The following OR6N1 variants were observed in gnomAD, a reference collection of about 807,000 sequenced individuals.
The protein encoded by OR6N1 is olfactory receptor 6N1.
For missense variants in OR6N1, 394 were observed against 371.7 expected (o/e 1.06, Z -0.49); for synonymous variants, 170 against 150.7 (o/e 1.13, Z -0.94).
upstream of OR6N1, chr1:158,776,933 T>G: frequency 1.2e-6 from 2 of 1,614,094 alleles, no homozygotes; most frequent in Non-Finnish European, 1.7e-6. Flanking sequence ...AAGGCCTTCT[T>G]TCTTCCTGAT....
At chr1:158,794,941 G>A in the OR6N1 span, among the ~76,000 whole-genome samples, 10,228 of 152,184 alleles carry the variant, frequency 0.067, 661 homozygotes, top group Admixed American at 0.14. Context: ...AGCAATTGGT[G>A]GGTGTCCCAA....
rs1274335534 is a variant in OR6N1 at position 158,765,923 on chromosome 1, T to C, written c.760A>G (p.Ser254Gly). 2 of 1,614,012 alleles carry C rather than the reference T, an allele frequency of 1.2e-6. No homozygotes were observed. Among genetic ancestry groups the C allele is most frequent in the Admixed American group, 1.7e-5 (1 of 60,000 alleles). Reference sequence around the variant, plus strand: ...AGCTGCACATACATGGAAAGGATGCTCCCATAGAAGATGAGAACCACAGTG... The same window carrying C: ...AGCTGCACATACATGGAAAGGATGCCCCCATAGAAGATGAGAACCACAGTG... ...HFTVVLIFYG[S>G]ILSMYVQLKK... Residue 254 changes from serine (S) to glycine (G), a missense_variant, in exon 2 of 2, where the codon AGC (serine) becomes GGC (glycine). Coordinates refer to ENST00000641846, the MANE Select transcript of OR6N1 (RefSeq NM_001005185.2).
chr1:158,786,534 A>G, the OR6N1 span, among the ~76,000 whole-genome samples: 3 of 152,216 alleles, frequency 2.0e-5, no homozygotes, highest in Non-Finnish European at 4.4e-5. Context: ...TTTGAAAAAG[A>G]CATGGACCTG....
chr1:158,838,133 CA>C, the OR6N1 span, among the ~76,000 whole-genome samples: 1 of 151,822 alleles, frequency 6.6e-6, no homozygotes, highest in Admixed American at 6.6e-5. Context: ...ATCAAAATAG[CA>C]AAAGTCATGT....
chr1:158,810,593 G>A, the OR6N1 span, among the ~76,000 whole-genome samples: 4 of 152,142 alleles, frequency 2.6e-5, no homozygotes, highest in Non-Finnish European at 4.4e-5. Flanking sequence ...AATCCCAGGG[G>A]CATTGCCTCC....
At chr1:158,821,562 A>G in the OR6N1 span, among the ~76,000 whole-genome samples, 1 of 152,108 alleles carries the variant, frequency 6.6e-6, no homozygotes, top group Non-Finnish European at 1.5e-5. Context: ...TCCTTTTCAG[A>G]TTAGCTTCTT....
intron 1 of OR6N1, among the ~76,000 whole-genome samples, chr1:158,771,808 T>C (rs1029768928): frequency 6.6e-6 from 1 of 152,230 alleles, no homozygotes. Flanking sequence ...GTTAAAAATA[T>C]AGCCAATTTA....
chr1:158,776,712 C>A, upstream of OR6N1: 1 of 1,610,832 alleles, frequency 6.2e-7, no homozygotes, highest in Non-Finnish European at 8.5e-7. Context: ...CTTTATCTCC[C>A]TTCTGGAAGA....
In OR6N1 at chr1:158,764,244, T is replaced by C. The variant is rs1657182451; in HGVS notation, c.*1500A>G. On this transcript the variant is annotated 3_prime_UTR_variant, in exon 2 of 2. Transcript: ENST00000641846. ...TATAATATTTTGAATTCCTGGTGATTATTTAATGTAAAAACATTTATCTGC... is the reference window on the plus strand; with the variant it reads ...TATAATATTTTGAATTCCTGGTGATCATTTAATGTAAAAACATTTATCTGC... The C allele has an allele frequency of 6.6e-6, 1 of 151,490 alleles. No individual in the cohort carries two copies. The highest frequency in any genetic ancestry group is 6.6e-5 in the Admixed American group (1 of 15,228). The allele number at this position is 151,490 out of a possible 1,614,324, so 9.4% of individuals were successfully genotyped here.
the OR6N1 span, among the ~76,000 whole-genome samples, chr1:158,807,937 G>T: frequency 6.6e-6 from 1 of 151,972 alleles, no homozygotes; most frequent in South Asian, 2.1e-4. Context: ...ACCAATTCAG[G>T]CATGGGTGTG....
chr1:158,784,010 G>T, the OR6N1 span, among the ~76,000 whole-genome samples: 1 of 152,100 alleles, frequency 6.6e-6, no homozygotes, highest in Non-Finnish European at 1.5e-5. Context: ...GGAGGCTGAG[G>T]CAGGAGAATG....
the OR6N1 span, among the ~76,000 whole-genome samples, chr1:158,790,654 T>A: frequency 3.9e-5 from 6 of 152,192 alleles, no homozygotes; most frequent in Admixed American, 2.6e-4. Context: ...TCCACCTGCC[T>A]GGGCCTCCCA....
At chr1:158,838,869 C>A in the OR6N1 span, among the ~76,000 whole-genome samples, 921 of 152,212 alleles carry the variant, frequency 6.1e-3, 3 homozygotes, top group Middle Eastern at 0.041. Context: ...AGGAACCCCT[C>A]TAGTGGATTT....
At chr1:158,822,348 T>C in the OR6N1 span, among the ~76,000 whole-genome samples, 2 of 152,232 alleles carry the variant, frequency 1.3e-5, no homozygotes, top group Non-Finnish European at 2.9e-5. Flanking sequence ...GAAATGTTTT[T>C]CCATGTGTTT....
the OR6N1 span, among the ~76,000 whole-genome samples, chr1:158,787,635 T>TCTCACACACACACACA: frequency 4.8e-4 from 64 of 134,292 alleles, no homozygotes; most frequent in African/African-American, 1.7e-3. Flanking sequence ...TCTCTCTCTC[T>TCTCACACACACACACA]CACACACACA....
At chr1:158,811,609 T>C in the OR6N1 span, among the ~76,000 whole-genome samples, 1 of 152,146 alleles carries the variant, frequency 6.6e-6, no homozygotes, top group African/African-American at 2.4e-5. Flanking sequence ...AAATAACAGA[T>C]TGAAGCCCTG....
At chr1:158,811,858 G>T in the OR6N1 span, among the ~76,000 whole-genome samples, 2 of 152,156 alleles carry the variant, frequency 1.3e-5, no homozygotes, top group Non-Finnish European at 2.9e-5. Flanking sequence ...AGCAGGAAAA[G>T]ATGATATTTT....
chr1:158,775,579 T>C (rs1252814686), upstream of OR6N1: 3 of 152,202 alleles, frequency 2.0e-5, no homozygotes, highest in East Asian at 5.8e-4. Flanking sequence ...ATACATTACT[T>C]TATATTTTAT....
chr1:158,830,477 C>CATGACCACATT, the OR6N1 span, among the ~76,000 whole-genome samples: 1 of 152,286 alleles, frequency 6.6e-6, no homozygotes, highest in East Asian at 1.9e-4. Flanking sequence ...CTTTTCCAGT[C>CATGACCACATT]ATGACCACAT....
Sources: allele counts gnomAD v4.1 joint callset (sites outside exome capture counted in the v4.1 genomes callset), GRCh38; gene constraint gnomAD v4.1.1; transcripts MANE v1.5; gene names NCBI Gene and HGNC (gene_info 2026-07-23, HGNC 2026-07-21).